RNF207: variants seen among roughly 807,000 people sequenced by gnomAD.
The protein encoded by RNF207 is ring finger protein 207.
In RNF207, 72 loss-of-function variants were observed where a neutral mutation model predicts 79.0. The ratio of observed to expected loss-of-function variants is 0.91; its 90% CI spans 0.75 to 1.11. The LOEUF is 1.11. Among genes scored for constraint, RNF207 ranks in the 50% least tolerant of loss-of-function variants. The pLI, the probability that RNF207 is intolerant of heterozygous loss-of-function variation, is 0.00. For synonymous variants in RNF207, 348 were observed against 366.2 expected, an observed-to-expected ratio of 0.95 and a Z score of 0.57; for missense variants, 936 against 855.8, an observed-to-expected ratio of 1.09 and a Z score of -1.17.
At chr1:6,219,128 C>G in intron 17 of RNF207, 108 bp from the exon 18 acceptor site, 1 of 998,452 alleles carries the variant, frequency 1.0e-6, no homozygotes, top group African/African-American at 1.6e-5. Flanking sequence ...TCACTGAGGC[C>G]TTCCAGGAAG....
At chr1:6,210,818 G>GC in intron 10 of RNF207, 52 bp from the exon 11 acceptor site, 1 of 1,497,636 alleles carries the variant, frequency 6.7e-7, no homozygotes, top group South Asian at 1.2e-5. Context: ...CCCTCTTCCT[G>GC]CCCCCTGGCT....
chr1:6,210,241 C>T lies in RNF207; in HGVS notation c.819C>T (p.Asp273=). Reference sequence around the variant, plus strand: ...CCCCCAGCCAATACGAAGAGAAGGACAAGGCCTTCAAGGAGCAGCTCTCTC... The same window carrying T: ...CCCCCAGCCAATACGAAGAGAAGGATAAGGCCTTCAAGGAGCAGCTCTCTC... ...QAVQSQYEEK[D]KAFKEQLSHL... is the part of the protein sequence containing the mutation. Residue 273 remains aspartate, a synonymous_variant, in exon 9 of 18, where the codon GAC becomes GAT. Transcript: ENST00000377939. 1.2e-6 allele frequency: 2 copies of T among 1,613,744 alleles called. No homozygotes were observed. Among genetic ancestry groups the T allele is most frequent in the Non-Finnish European group, 1.7e-6 (2 of 1,179,852 alleles).
rs758832516 is a variant in RNF207, at chr1:6,213,155, G to A, written c.1624G>A (p.Ala542Thr). The A allele has an allele frequency of 3.7e-6, 6 of 1,612,470 alleles. No homozygotes were observed. Among genetic ancestry groups the A allele is most frequent in the Non-Finnish European group, 5.1e-6 (6 of 1,179,136 alleles). Residue 542 changes from alanine to threonine, a missense_variant, in exon 16 of 18, where the codon GCC becomes ACC. By Grantham distance (58) the Ala-to-Thr change is moderately conservative. Transcript: ENST00000377939. ...GATCACGCCCTACGTCCGCTCCATT[G>A]CCAAGGTGAAGGAGCGGCTGGAGCC... ...KQITPYVRSI[A>T]KVKERLEPRF...
At chr1:6,215,352 G>T (rs971126965) in intron 16 of RNF207, among the ~76,000 whole-genome samples, 2 of 140,126 alleles carry the variant, frequency 1.4e-5, no homozygotes, top group Non-Finnish European at 3.1e-5. Context: ...TTTTTTTTGA[G>T]ATGGGGTCTT....
Position 6,209,218 on chromosome 1 carries a change from G to A in RNF207, c.551+22G>A, listed in dbSNP as rs780365777. 6.4e-6 allele frequency: 10 copies of A among 1,550,658 alleles called. No homozygotes were observed. The East Asian group carries it at 1.5e-4, about 23-fold the overall frequency. On this transcript the variant is annotated intron_variant, in intron 5 of 17. Transcript: ENST00000377939. ...AGAAGTGCGTACAGGGGACGCGAGG[G>A]GAGGGGGCTGGGGGCCGCTGGAGCG...
chr1:6,211,820 G>A lies in RNF207; in HGVS notation c.1110-47G>A, dbSNP rs1405018300. On this transcript the variant is annotated intron_variant, in intron 12 of 17. Coordinates refer to ENST00000377939, the MANE Select transcript of RNF207 (RefSeq NM_207396.3). The surrounding 1 kb of genome is among the most constrained non-coding windows in gnomAD (Gnocchi z 4.2). ...GGGCTGCCCTGGGAGGCTGGGGGAG[G>A]GGCAGACTTCCCCACCCCCCTGCAT... The A allele has an allele frequency of 2.0e-5, 28 of 1,414,626 alleles. No homozygotes were observed. Among genetic ancestry groups the A allele is most frequent in the African/African-American group, 2.8e-5 (2 of 70,564 alleles). 87.6% of individuals were successfully genotyped at this position (1,414,626 alleles called of 1,614,324 possible). A position where few individuals can be genotyped will look rare whatever the true frequency, so the allele number is the denominator to read the frequency against.
chr1:6,218,068 C>T (rs1156400267), intron 16 of RNF207, among the ~76,000 whole-genome samples: 1 of 152,274 alleles, frequency 6.6e-6, no homozygotes, highest in Non-Finnish European at 1.5e-5. Flanking sequence ...GCCCGACCAG[C>T]ACGCAGCTTC....
intron 1 of RNF207, 57 bp downstream of exon 1, chr1:6,206,359 G>C (rs1054868737): frequency 1.7e-6 from 1 of 581,218 alleles, no homozygotes; most frequent in Non-Finnish European, 3.0e-6. Context: ...CCTGCGCCGG[G>C]GAGCTCCAGG....
Position 6,219,480 on chromosome 1 carries a change from C to G in RNF207, c.*73C>G. On this transcript the variant is annotated 3_prime_UTR_variant, in exon 18 of 18. Coordinates refer to ENST00000377939, the MANE Select transcript of RNF207 (RefSeq NM_207396.3). Reference sequence around the variant, plus strand: ...CTGGGACACTGGACAGAAGGTTGTTCCCATGATGGTTTTTTTTATTTTTTA... The same window carrying G: ...CTGGGACACTGGACAGAAGGTTGTTGCCATGATGGTTTTTTTTATTTTTTA... 1 of 1,125,988 alleles carries G rather than the reference C, an allele frequency of 8.9e-7. No homozygotes were observed. The highest frequency in any genetic ancestry group is 1.2e-6 in the Non-Finnish European group (1 of 803,276). The allele number at this position is 1,125,988 out of a possible 1,614,324, so 69.7% of individuals were successfully genotyped here. A position where few individuals can be genotyped will look rare whatever the true frequency, so the allele number is the denominator to read the frequency against.
intron 14 of RNF207, 115 bp downstream of exon 14, chr1:6,212,531 G>A (rs1668219087): frequency 8.0e-7 from 1 of 1,256,852 alleles, no homozygotes; most frequent in Non-Finnish European, 1.1e-6. Context: ...ACCCTCATGT[G>A]GCAGGGTCTG....
intron 7 of RNF207, 50 bp from the exon 8 acceptor site, chr1:6,209,874 G>A (rs1274046866): frequency 6.5e-7 from 1 of 1,544,292 alleles, no homozygotes; most frequent in Non-Finnish European, 8.7e-7. Context: ...CATGGTGGGA[G>A]GTGGCAGGGC....
chr1:6,206,489 C>G (rs748573944), intron 1 of RNF207, 47 bp from the exon 2 acceptor site: 1 of 1,419,380 alleles, frequency 7.0e-7, no homozygotes, highest in Non-Finnish European at 9.4e-7. Flanking sequence ...GGAGCTCAAG[C>G]GGGGCTCCGT....
At position 6,219,927 on chromosome 1, in the gene RNF207, G is replaced by A. The variant is rs1349002663; in HGVS notation, c.*520G>A. The A allele has an allele frequency of 1.3e-5, 2 of 152,304 alleles. No individual in the cohort carries two copies. The highest frequency in any genetic ancestry group is 2.4e-5 in the African/African-American group (1 of 41,350). The allele number at this position is 152,304 out of a possible 1,614,324, so 9.4% of individuals were successfully genotyped here. ...TTCTCCTACCTCAGCCCCCAGAGTAGCTGGGATTACAGGCATGTACCATCA... is the reference window on the plus strand; with the variant it reads ...TTCTCCTACCTCAGCCCCCAGAGTAACTGGGATTACAGGCATGTACCATCA... On this transcript the variant is annotated 3_prime_UTR_variant, in exon 18 of 18. Transcript: ENST00000377939.
intron 16 of RNF207, among the ~76,000 whole-genome samples, chr1:6,214,295 A>C (rs1668283136): frequency 6.6e-6 from 1 of 152,046 alleles, no homozygotes; most frequent in African/African-American, 2.4e-5. Flanking sequence ...CTTTGCTCCC[A>C]GTGTTCTGAG....
chr1:6,206,925 T>C (rs1667931176), intron 2 of RNF207, among the ~76,000 whole-genome samples, 199 bp downstream of exon 2: 1 of 152,176 alleles, frequency 6.6e-6, no homozygotes, highest in Admixed American at 6.5e-5. Context: ...TCAGCTTAAC[T>C]GAAGCCTGGA....
Position 6,207,167 on chromosome 1 carries a change from C to A in RNF207, c.192-212C>A, listed in dbSNP as rs1312680421. Among the ~76,000 whole-genome samples the A allele has an allele frequency of 1.3e-5, 2 of 152,200 alleles. No homozygotes were observed. The highest frequency in any genetic ancestry group is 2.9e-5 in the Non-Finnish European group (2 of 68,040). On this transcript the variant is annotated intron_variant, in intron 2 of 17. Coordinates refer to ENST00000377939, the MANE Select transcript of RNF207 (RefSeq NM_207396.3). This position sits in a 1 kb window ranked among gnomAD's most constrained non-coding sequence, Gnocchi z 4.5. ...TCTGCTTTTGATACTAGGGGACCAA[C>A]CCCACTGTCTGCAGGAGTGCCCAGG...
At position 6,207,268 on chromosome 1, in the gene RNF207, AC is replaced by A; in HGVS notation, c.192-107del. 1.8e-6 allele frequency: 2 copies of A among 1,132,530 alleles called. No homozygotes were observed. The highest frequency in any genetic ancestry group is 1.2e-6 in the Non-Finnish European group (1 of 815,106). The allele number at this position is 1,132,530 out of a possible 1,614,324, so 70.2% of individuals were successfully genotyped here. ...ATAGCAGACCCCAGAGCTGTGGTGC[AC>A]CCCACCTCCCAACACAGCTATTTTT... On this transcript the variant is annotated intron_variant, in intron 2 of 17. Transcript: ENST00000377939. This position sits in a 1 kb window ranked among gnomAD's most constrained non-coding sequence, Gnocchi z 4.5.
chr1:6,209,844 G>T (rs1668083121), intron 7 of RNF207, 80 bp from the exon 8 acceptor site: 19 of 1,440,176 alleles, frequency 1.3e-5, no homozygotes, highest in Non-Finnish European at 1.8e-5. Context: ...CCAGCAGGTG[G>T]CTGGGGTCCG....
intron 16 of RNF207, among the ~76,000 whole-genome samples, chr1:6,214,327 A>G (rs1557591432): frequency 6.6e-6 from 1 of 151,628 alleles, no homozygotes; most frequent in African/African-American, 2.4e-5. Flanking sequence ...GTGAGAGTCT[A>G]TTTCCATCCA....
Sources: allele counts gnomAD v4.1 joint callset (sites outside exome capture counted in the v4.1 genomes callset), GRCh38; gene constraint gnomAD v4.1.1; non-coding constraint Gnocchi (gnomAD v3.1); transcripts MANE v1.5; gene names NCBI Gene and HGNC (gene_info 2026-07-23, HGNC 2026-07-21).